OPHN1: variants seen among roughly 807,000 people sequenced by gnomAD.
The protein encoded by OPHN1 is oligophrenin-1.
A neutral mutation model predicts 60.7 loss-of-function variants in OPHN1; 11 were observed. The observed-to-expected ratio is 0.18, with a 90% CI of 0.11 to 0.30. The LOEUF (loss-of-function observed/expected upper bound fraction) is 0.30. Among genes scored for constraint, OPHN1 ranks in the 10% least tolerant of loss-of-function variants. The probability of loss-of-function intolerance (pLI) is 1.00; values close to 1 mark genes in which losing one functional copy is unlikely to be tolerated. For synonymous variants in OPHN1, 226 were observed against 222.6 expected (o/e 1.02, Z -0.14); for missense variants, 449 against 611.0 (o/e 0.73, Z 2.80).
chrX:68,075,430 C>A (rs1374364206), intron 19 of OPHN1, among the ~76,000 whole-genome samples: 1 of 112,069 alleles, frequency 8.9e-6, no homozygotes, highest in Non-Finnish European at 1.9e-5. Context: ...CAAAATTGAT[C>A]TACAGACTGA....
At chrX:68,154,861 C>CCACACACACACACA (rs60627495) in intron 15 of OPHN1, among the ~76,000 whole-genome samples, 4 of 94,345 alleles carry the variant, frequency 4.2e-5, no homozygotes, top group African/African-American at 1.5e-4. Flanking sequence ...ATAGTACACA[C>CCACACACACACACA]CACACACACA....
intron 2 of OPHN1, among the ~76,000 whole-genome samples, chrX:68,301,943 T>C (rs1470736697): frequency 8.9e-6 from 1 of 112,555 alleles, no homozygotes; most frequent in African/African-American, 3.2e-5. Context: ...CTGTTTTTCA[T>C]CACAATACTT....
At chrX:68,298,307 T>C (rs945934285) in intron 3 of OPHN1, among the ~76,000 whole-genome samples, 2 of 112,064 alleles carry the variant, frequency 1.8e-5, no homozygotes, top group African/African-American at 6.5e-5. Context: ...TAAATGAGTA[T>C]GGGTATGTTC....
intron 15 of OPHN1, among the ~76,000 whole-genome samples, chrX:68,148,596 T>C (rs2077273191): frequency 9.1e-6 from 1 of 109,589 alleles, no homozygotes; most frequent in Non-Finnish European, 1.9e-5. Flanking sequence ...ATAATGAAAA[T>C]GAGGAAAAAG....
rs927143956 is a variant in OPHN1, at chrX:68,247,019, A to G, written c.385-12431T>C. Among the ~76,000 whole-genome samples the G allele has an allele frequency of 2.7e-5, 3 of 111,810 alleles. No homozygotes were observed. In the Admixed American group the frequency reaches 2.9e-4, roughly 11 times the overall value. ...GTATACTCACCTTGAGAGGATATAC[A>G]TGATCCCTCATGAGATGGCAACGCG... On this transcript the variant is annotated intron_variant, in intron 5 of 24. Transcript: ENST00000355520.
chrX:68,261,567 G>A (rs945712995), intron 5 of OPHN1, among the ~76,000 whole-genome samples: 4 of 111,359 alleles, frequency 3.6e-5, no homozygotes, highest in African/African-American at 1.3e-4. Flanking sequence ...GTGTACACAT[G>A]GGGAAGGATG....
intron 2 of OPHN1, among the ~76,000 whole-genome samples, chrX:68,369,586 TA>T (rs1426476318): frequency 9.1e-6 from 1 of 109,782 alleles, no homozygotes; most frequent in Non-Finnish European, 1.9e-5. Context: ...CTAAAAGAGC[TA>T]AAGGAAAACA....
At chrX:68,132,987 C>G in intron 15 of OPHN1, 1 of 466,816 alleles carries the variant, frequency 2.1e-6, no homozygotes, top group Non-Finnish European at 3.9e-6. Context: ...CTCAGGCCCC[C>G]GGACGCCAAG....
chrX:68,433,378 C>T lies in OPHN1; in HGVS notation c.-215G>A. ...GCCTCCGGAGACGGGCCGGATCCTT[C>T]CTGAGCAATTGCAAACGTGACACTT... is the stretch of plus-strand genomic sequence containing the variant. On this transcript the variant is annotated 5_prime_UTR_variant, in exon 1 of 25. Transcript: ENST00000355520. 3.5e-6 allele frequency: 1 copy of T among 288,066 alleles called. No individual in the cohort carries two copies. The highest frequency in any genetic ancestry group is 6.1e-6 in the Non-Finnish European group (1 of 164,649). The allele number at this position is 288,066 out of a possible 1,213,427, so 23.7% of individuals were successfully genotyped here.
chrX:68,106,132 A>G (rs2077080979), intron 18 of OPHN1, among the ~76,000 whole-genome samples: 1 of 108,396 alleles, frequency 9.2e-6, no homozygotes, highest in Admixed American at 9.9e-5. Context: ...GAGATCCGAA[A>G]AAACCTGAAC....
At chrX:68,193,466 A>C (rs1310212130) in intron 14 of OPHN1, among the ~76,000 whole-genome samples, 2 of 111,548 alleles carry the variant, frequency 1.8e-5, no homozygotes, top group Admixed American at 1.9e-4. Context: ...CACATACCAC[A>C]CTTGCCCACA....
intron 21 of OPHN1, among the ~76,000 whole-genome samples, chrX:68,054,931 C>A (rs1432949770): frequency 8.9e-6 from 1 of 111,953 alleles, no homozygotes; most frequent in Admixed American, 9.5e-5. Context: ...TAAATTGAAT[C>A]TACATATACA....
chrX:68,084,675 T>C (rs946797658), intron 19 of OPHN1, among the ~76,000 whole-genome samples: 9 of 110,854 alleles, frequency 8.1e-5, no homozygotes, highest in African/African-American at 9.8e-5. Flanking sequence ...AAGATAGATA[T>C]GGGCTCACTG....
At chrX:68,125,930 A>ATATATATATAT (rs2077168269) in intron 15 of OPHN1, among the ~76,000 whole-genome samples, 5 of 22,260 alleles carry the variant, frequency 2.2e-4, no homozygotes, top group African/African-American at 3.2e-4. Flanking sequence ...ACCACTGATC[A>ATATATATATAT]ATATATATAT....
intron 2 of OPHN1, among the ~76,000 whole-genome samples, chrX:68,422,618 G>A (rs200875076): frequency 1.3e-3 from 105 of 81,883 alleles, no homozygotes; most frequent in East Asian, 1.6e-3. Context: ...AAAAGAGAGA[G>A]AGAAAGAAAG....
At chrX:68,241,564 C>T (rs149183001) in intron 5 of OPHN1, among the ~76,000 whole-genome samples, 2,467 of 111,194 alleles carry the variant, frequency 0.022, 41 homozygotes, top group Non-Finnish European at 0.033. Flanking sequence ...AAATTATACA[C>T]AATTATGCAT....
chrX:68,125,954 T>TATATATATATATACAC (rs1262640434), intron 15 of OPHN1, among the ~76,000 whole-genome samples: 3 of 55,829 alleles, frequency 5.4e-5, no homozygotes, highest in South Asian at 2.9e-3. Context: ...TATATATATA[T>TATATATATATATACAC]ATACATACAC....
At chrX:68,365,979 C>CAAA (rs769428988) in intron 2 of OPHN1, among the ~76,000 whole-genome samples, 1 of 92,812 alleles carries the variant, frequency 1.1e-5, no homozygotes. Flanking sequence ...ACTTTTTCTC[C>CAAA]AAAAAAAAAA....
intron 2 of OPHN1, among the ~76,000 whole-genome samples, chrX:68,397,676 C>T (rs954771078): frequency 9.3e-6 from 1 of 107,632 alleles, no homozygotes; most frequent in Non-Finnish European, 1.9e-5. Context: ...GCACCCACCA[C>T]CACGCCCAGC....
Sources: gnomAD v4.1 joint callset for allele counts (sites outside exome capture counted in the v4.1 genomes callset) on GRCh38, gnomAD v4.1.1 for gene constraint, MANE v1.5 for transcripts, NCBI Gene and HGNC (gene_info 2026-07-23, HGNC 2026-07-21) for gene names.